The following BAZ2B variants were observed in gnomAD, a reference collection of about 807,000 sequenced individuals.
BAZ2B encodes the protein bromodomain adjacent to zinc finger domain protein 2B.
A neutral mutation model predicts 246.0 loss-of-function variants in BAZ2B; 91 were observed. The ratio of observed to expected loss-of-function variants is 0.37; its 90% CI spans 0.31 to 0.44. The LOEUF (loss-of-function observed/expected upper bound fraction) is 0.44. Ranked by LOEUF, BAZ2B falls within the 20% of genes least tolerant of loss-of-function variation. The pLI, the probability that BAZ2B is intolerant of heterozygous loss-of-function variation, is 1.00. For missense variants in BAZ2B, 2,332 were observed against 2,533.7 expected, an observed-to-expected ratio of 0.92 and a Z score of 1.71; for synonymous variants, 855 against 860.0, an observed-to-expected ratio of 0.99 and a Z score of 0.10.
At chr2:159,542,067 A>G (rs907530879) in intron 2 of BAZ2B, among the ~76,000 whole-genome samples, 1 of 152,224 alleles carries the variant, frequency 6.6e-6, no homozygotes, top group East Asian at 1.9e-4. Flanking sequence ...TTAACAGCAG[A>G]TATGAGTAGG....
intron 21 of BAZ2B, among the ~76,000 whole-genome samples, chr2:159,388,311 T>C (rs1285776225): frequency 1.3e-5 from 2 of 152,126 alleles, no homozygotes; most frequent in Admixed American, 6.6e-5. Context: ...CAAAACATCA[T>C]TGATTTTTAC....
intron 21 of BAZ2B, among the ~76,000 whole-genome samples, chr2:159,386,864 C>G (rs2062710158): frequency 6.6e-6 from 1 of 152,018 alleles, no homozygotes; most frequent in Non-Finnish European, 1.5e-5. Flanking sequence ...GAACTTAGAT[C>G]TTTGCAAAAG....
chr2:159,404,068 T>C (rs1476856329), intron 16 of BAZ2B, among the ~76,000 whole-genome samples: 1 of 152,134 alleles, frequency 6.6e-6, no homozygotes, highest in South Asian at 2.1e-4. Context: ...GGTATTTATA[T>C]AGTAACATAA....
chr2:159,395,758 C>T lies in BAZ2B; in HGVS notation c.3075+11G>A. On this transcript the variant is annotated intron_variant, in intron 20 of 36. Coordinates refer to ENST00000392783, the MANE Select transcript of BAZ2B (RefSeq NM_013450.4). ...TTATAAGGTAATATTTTTCTAGAAA[C>T]ATACACTTACTTCTGCTTTTTTACG... The T allele has an allele frequency of 6.3e-7, 1 of 1,596,360 alleles. No homozygotes were observed. Among genetic ancestry groups the T allele is most frequent in the Non-Finnish European group, 8.6e-7 (1 of 1,167,208 alleles).
At chr2:159,335,456 G>A (rs1189723332) in intron 33 of BAZ2B, among the ~76,000 whole-genome samples, 2 of 150,556 alleles carry the variant, frequency 1.3e-5, no homozygotes, top group African/African-American at 4.9e-5. Context: ...CTGAGGGCAG[G>A]AGAACTGCTT....
chr2:159,692,849 T>C, the BAZ2B span, among the ~76,000 whole-genome samples: 5 of 152,348 alleles, frequency 3.3e-5, no homozygotes, highest in Admixed American at 3.3e-4. Flanking sequence ...AGCACAATGG[T>C]ACCACAGCTC....
intron 2 of BAZ2B, among the ~76,000 whole-genome samples, chr2:159,538,633 T>C (rs755078010): frequency 6.6e-6 from 1 of 152,212 alleles, no homozygotes; most frequent in Non-Finnish European, 1.5e-5. Flanking sequence ...GGGTTTTGAA[T>C]TGGGGAAAGA....
At chr2:159,438,871 T>C (rs2072892336) in intron 7 of BAZ2B, 138 bp downstream of exon 7, 2 of 1,228,420 alleles carry the variant, frequency 1.6e-6, no homozygotes, top group Non-Finnish European at 2.2e-6. Context: ...AAAACATTTC[T>C]TCATCTTCTT....
intron 3 of BAZ2B, chr2:159,461,856 A>C (rs1386580266): frequency 1.3e-5 from 2 of 152,718 alleles, no homozygotes; most frequent in Admixed American, 1.3e-4. Context: ...AGGACCTGAA[A>C]AGTCCCAATC....
chr2:159,595,469 T>A (rs901232521), intron 1 of BAZ2B, among the ~76,000 whole-genome samples: 1 of 152,204 alleles, frequency 6.6e-6, no homozygotes, highest in East Asian at 1.9e-4. Flanking sequence ...TTTGCCACTT[T>A]AAGAGGCGAA....
At chr2:159,358,649 C>G (rs2059369415) in intron 27 of BAZ2B, among the ~76,000 whole-genome samples, 1 of 152,220 alleles carries the variant, frequency 6.6e-6, no homozygotes, top group African/African-American at 2.4e-5. Context: ...CCCAAATCAA[C>G]AGAATATACA....
intron 1 of BAZ2B, among the ~76,000 whole-genome samples, chr2:159,559,712 A>G (rs1239450082): frequency 2.0e-5 from 3 of 152,214 alleles, no homozygotes; most frequent in Non-Finnish European, 1.5e-5. Flanking sequence ...ATGACACTAG[A>G]GGATAAAGCC....
chr2:159,508,094 C>T (rs1444244980), intron 2 of BAZ2B, among the ~76,000 whole-genome samples: 1 of 152,102 alleles, frequency 6.6e-6, no homozygotes, highest in Non-Finnish European at 1.5e-5. Flanking sequence ...TGGTCTCGAA[C>T]TCCTGGCCTC....
At chr2:159,349,351 G>A (rs2058318771) in intron 28 of BAZ2B, 71 bp from the exon 29 acceptor site, 1 of 1,419,848 alleles carries the variant, frequency 7.0e-7, no homozygotes, top group Admixed American at 2.5e-5. Context: ...TTTGGAATAT[G>A]AAATTATTTT....
chr2:159,405,686 T>C (rs1475464797), intron 14 of BAZ2B, among the ~76,000 whole-genome samples: 1 of 151,192 alleles, frequency 6.6e-6, no homozygotes, highest in South Asian at 2.1e-4. Context: ...AAATGAGGTT[T>C]CTTTTAATCT....
chr2:159,659,771 T>C, the BAZ2B span, among the ~76,000 whole-genome samples: 1 of 152,212 alleles, frequency 6.6e-6, no homozygotes, highest in Non-Finnish European at 1.5e-5. Flanking sequence ...TGTTTCTCAA[T>C]GTGTTGTCTG....
At chr2:159,520,528 C>T (rs1441121182) in intron 2 of BAZ2B, among the ~76,000 whole-genome samples, 2 of 152,100 alleles carry the variant, frequency 1.3e-5, no homozygotes, top group Non-Finnish European at 2.9e-5. Context: ...TAACAAAATG[C>T]TCAACATGTA....
At chr2:159,388,240 A>G (rs2062871143) in intron 21 of BAZ2B, among the ~76,000 whole-genome samples, 1 of 152,134 alleles carries the variant, frequency 6.6e-6, no homozygotes, top group African/African-American at 2.4e-5. Flanking sequence ...TAAGTATAAT[A>G]ATATAGAGAT....
the BAZ2B span, among the ~76,000 whole-genome samples, chr2:159,633,739 T>TG: frequency 2.2e-4 from 2 of 8,906 alleles, no homozygotes; most frequent in African/African-American, 3.7e-4. Flanking sequence ...CACTTTATTC[T>TG]TTTTTTTTTT....
Sources: gnomAD v4.1 joint callset for allele counts (sites outside exome capture counted in the v4.1 genomes callset) on GRCh38, gnomAD v4.1.1 for gene constraint, MANE v1.5 for transcripts, NCBI Gene and HGNC (gene_info 2026-07-23, HGNC 2026-07-21) for gene names.